ARFGEF2: variants seen among roughly 807,000 people sequenced by gnomAD.
ARFGEF2 encodes the protein ARF guanine nucleotide exchange factor 2.
ARFGEF2 carries 74 observed loss-of-function variants against 219.9 expected under a neutral mutation model. The observed-to-expected ratio is 0.34, with a 90% confidence interval of 0.28 to 0.41. The LOEUF (loss-of-function observed/expected upper bound fraction) is 0.41. ARFGEF2 is among the 10% of genes least tolerant of loss of function. The pLI is 1.00. For missense variants in ARFGEF2, 1,743 were observed against 2,218.3 expected, an observed-to-expected ratio of 0.79 and a Z score of 4.30; for synonymous variants, 733 against 799.2, an observed-to-expected ratio of 0.92 and a Z score of 1.40.
intron 1 of ARFGEF2, among the ~76,000 whole-genome samples, chr20:48,923,123 A>G (rs538080776): frequency 5.9e-5 from 9 of 152,264 alleles, no homozygotes; most frequent in South Asian, 4.2e-4. Context: ...GGCAAGAACT[A>G]TCCACCATAT....
chr20:48,988,637 G>T lies in ARFGEF2; in HGVS notation c.2508G>T (p.Thr836=). ...KIAMKETKEL[T]IATKSTKQNV... is the part of the protein sequence containing the mutation. ...CAATGAAAGAAACAAAAGAGCTAAC[G>T]ATTGCAACCAAATCTACTAAGCAGA... The change falls in exon 18 of 39, where the codon ACG becomes ACT. Residue 836 remains threonine, a synonymous_variant. Coordinates refer to ENST00000371917, the MANE Select transcript of ARFGEF2 (RefSeq NM_006420.3). The T allele has an allele frequency of 1.2e-6, 2 of 1,613,458 alleles. No homozygotes were observed. Among genetic ancestry groups the T allele is most frequent in the Non-Finnish European group, 1.7e-6 (2 of 1,179,812 alleles).
chr20:49,022,669 C>G (rs772756549), intron 34 of ARFGEF2, among the ~76,000 whole-genome samples: 5 of 152,192 alleles, frequency 3.3e-5, no homozygotes, highest in Non-Finnish European at 7.3e-5. Context: ...CTTAAACGTG[C>G]AGTCCTACCC....
intron 14 of ARFGEF2, among the ~76,000 whole-genome samples, chr20:48,976,716 G>A (rs1386972586): frequency 6.6e-6 from 1 of 152,102 alleles, no homozygotes; most frequent in Non-Finnish European, 1.5e-5. Flanking sequence ...GCTGAGGCAG[G>A]AGAATGGCGT....
rs753192700 is a variant in ARFGEF2, at chr20:48,994,607, C to T, written c.3121+9C>T. ...CATGGGCCTTGGCCTCGGTAAGACA[C>T]CAGGCCCCACAGCTAACAGTCACGG... On this transcript the variant is annotated intron_variant, in intron 22 of 38. Transcript: ENST00000371917. 8.7e-6 allele frequency: 14 copies of T among 1,613,120 alleles called. No individual in the cohort carries two copies. Among genetic ancestry groups the T allele is most frequent in the Non-Finnish European group, 1.1e-5 (13 of 1,179,990 alleles).
chr20:49,031,766 A>C (rs2091636435), intron 37 of ARFGEF2, among the ~76,000 whole-genome samples: 1 of 151,994 alleles, frequency 6.6e-6, no homozygotes, highest in African/African-American at 2.4e-5. Flanking sequence ...AATCAAAAAA[A>C]TTAGCCAGGC....
chr20:49,020,946 C>T (rs2091561835), intron 34 of ARFGEF2, among the ~76,000 whole-genome samples: 1 of 152,120 alleles, frequency 6.6e-6, no homozygotes, highest in African/African-American at 2.4e-5. Context: ...TAAGCTCAGG[C>T]AGACAAAAAT....
intron 26 of ARFGEF2, among the ~76,000 whole-genome samples, chr20:49,008,707 GTTTTTTT>G (rs796608906): frequency 7.6e-6 from 1 of 132,428 alleles, no homozygotes; most frequent in Non-Finnish European, 1.6e-5. Context: ...TCATGTAAAG[GTTTTTTT>G]TTTTTTTTTT....
chr20:48,976,273 CTAAAAAGGAAAT>C, intron 14 of ARFGEF2, 74 bp downstream of exon 14: 2 of 1,564,926 alleles, frequency 1.3e-6, no homozygotes, highest in Non-Finnish European at 1.7e-6. Flanking sequence ...GAACTGATTC[CTAAAAAGGAAAT>C]GCCTGTTTAC....
intron 14 of ARFGEF2, among the ~76,000 whole-genome samples, chr20:48,983,487 A>G (rs2091308878): frequency 6.6e-6 from 1 of 152,198 alleles, no homozygotes. Context: ...AGCTAAAGTA[A>G]TCTTTTTAAA....
chr20:48,984,368 C>T (rs2091314294), intron 14 of ARFGEF2, among the ~76,000 whole-genome samples: 1 of 152,202 alleles, frequency 6.6e-6, no homozygotes, highest in South Asian at 2.1e-4. Flanking sequence ...GTACCCACAC[C>T]ACTTCTGCTC....
In ARFGEF2 at chr20:49,013,925, T is replaced by G. The variant is rs1195692916; in HGVS notation, c.4144T>G (p.Phe1382Val). ...CCTGTTCAGAATCGTGTTTCGGATT[T>G]TTGACAATATGAAACTCCCTGAGCA... ...QDLFRIVFRI[F>V]DNMKLPEQLS... The change falls in exon 30 of 39, where the codon TTT (phenylalanine) becomes GTT (valine). Residue 1382 changes from phenylalanine (F) to valine (V), a missense_variant. Physicochemically the swap from Phe to Val is conservative, Grantham distance 50 (BLOSUM62 -1). Around this residue, in one of 5 missense-constraint regions of ARFGEF2, gnomAD observed 578 missense variants for 664.0 expected, o/e 0.87. Coordinates refer to ENST00000371917, the MANE Select transcript of ARFGEF2 (RefSeq NM_006420.3). 6.2e-7 allele frequency: 1 copy of G among 1,613,972 alleles called. No homozygotes were observed. The highest frequency in any genetic ancestry group is 8.5e-7 in the Non-Finnish European group (1 of 1,180,002).
At chr20:48,928,786 G>A (rs925800070) in intron 1 of ARFGEF2, among the ~76,000 whole-genome samples, 17 of 152,314 alleles carry the variant, frequency 1.1e-4, no homozygotes, top group Non-Finnish European at 1.3e-4. Context: ...GAGCCACTGC[G>A]CCCAGCCGGT....
chr20:48,936,723 C>T lies in ARFGEF2; in HGVS notation c.122-4476C>T, dbSNP rs375668230. The stretch of plus-strand genomic sequence containing the variant: ...TATATTTTTAGTAGAGATGGGGTTT[C>T]TCTATGTTGGCCAGGCTGGTTTTGA... On this transcript the variant is annotated intron_variant, in intron 1 of 38. Transcript: ENST00000371917. Among the ~76,000 whole-genome samples the T allele has an allele frequency of 2.8e-4, 43 of 152,220 alleles. 1 individual carries two copies. The East Asian group carries it at 6.0e-3, about 21-fold the overall frequency.
At chr20:49,024,134 G>C (rs1250996048) in intron 35 of ARFGEF2, among the ~76,000 whole-genome samples, 2 of 152,054 alleles carry the variant, frequency 1.3e-5, no homozygotes, top group Non-Finnish European at 2.9e-5. Flanking sequence ...GCCATGCCCA[G>C]TTAATTTTTT....
At chr20:48,989,241 C>T (rs371508210) in intron 18 of ARFGEF2, 44 bp from the exon 19 acceptor site, 1 of 1,609,868 alleles carries the variant, frequency 6.2e-7, no homozygotes, top group Non-Finnish European at 8.5e-7. Context: ...TGTAGCCAGC[C>T]CTCAGTGACT....
chr20:49,025,538 T>G, intron 36 of ARFGEF2, 57 bp downstream of exon 36: 2 of 1,604,640 alleles, frequency 1.2e-6, no homozygotes, highest in Non-Finnish European at 1.7e-6. Context: ...CCTAAAACAT[T>G]AAAGTGCTTG....
At chr20:48,944,113 A>T (rs2091010453) in intron 3 of ARFGEF2, among the ~76,000 whole-genome samples, 1 of 152,186 alleles carries the variant, frequency 6.6e-6, no homozygotes, top group Non-Finnish European at 1.5e-5. Context: ...CCATTTTGTT[A>T]TTCAGTGTAA....
chr20:48,959,287 T>C (rs1971699549), intron 6 of ARFGEF2, among the ~76,000 whole-genome samples: 1 of 151,918 alleles, frequency 6.6e-6, no homozygotes, highest in African/African-American at 2.4e-5. Flanking sequence ...CATAATTTTA[T>C]TAATATCATA....
intron 9 of ARFGEF2, among the ~76,000 whole-genome samples, chr20:48,970,336 C>T (rs909638329): frequency 4.7e-5 from 7 of 149,542 alleles, no homozygotes; most frequent in Middle Eastern, 3.6e-3. Context: ...ATAGGCCGGG[C>T]GCGGTAGCTC....
Sources: allele counts gnomAD v4.1 joint callset (sites outside exome capture counted in the v4.1 genomes callset), GRCh38; gene constraint gnomAD v4.1.1; regional missense constraint gnomAD v4.1.1; transcripts MANE v1.5; gene names NCBI Gene and HGNC (gene_info 2026-07-23, HGNC 2026-07-21).